HS6ST3: variants seen among roughly 807,000 people sequenced by gnomAD.
HS6ST3 encodes heparan sulfate 6-O-sulfotransferase 3.
HS6ST3 carries 12 observed loss-of-function variants against 36.7 expected under a neutral mutation model. The ratio of observed to expected loss-of-function variants is 0.33; its 90% CI spans 0.21 to 0.53. The LOEUF is 0.53. Ranked by LOEUF, HS6ST3 falls within the 20% of genes least tolerant of loss-of-function variation. The pLI, the probability that HS6ST3 is intolerant of heterozygous loss-of-function variation, is 0.95. For missense variants in HS6ST3, 584 were observed against 640.9 expected (o/e 0.91, Z 0.96); for synonymous variants, 240 against 257.5 (o/e 0.93, Z 0.65).
chr13:96,386,313 C>G (rs1363645079), intron 1 of HS6ST3, among the ~76,000 whole-genome samples: 1 of 152,112 alleles, frequency 6.6e-6, no homozygotes, highest in Non-Finnish European at 1.5e-5. Context: ...AAAACTGTTG[C>G]AGCAGAATGG....
At chr13:96,678,192 T>C (rs1288564211) in intron 1 of HS6ST3, among the ~76,000 whole-genome samples, 3 of 152,164 alleles carry the variant, frequency 2.0e-5, no homozygotes, top group African/African-American at 4.8e-5. Flanking sequence ...CTCAGTCTTA[T>C]GATAACAAAC....
chr13:96,572,569 T>C (rs561422026), intron 1 of HS6ST3, among the ~76,000 whole-genome samples: 1 of 151,888 alleles, frequency 6.6e-6, no homozygotes, highest in African/African-American at 2.4e-5. Flanking sequence ...TTCAAAATAA[T>C]TGATTTGTAT....
intron 1 of HS6ST3, among the ~76,000 whole-genome samples, chr13:96,159,434 A>G (rs1459335843): frequency 1.3e-5 from 2 of 152,212 alleles, no homozygotes; most frequent in African/African-American, 2.4e-5. Context: ...GAAACAAATC[A>G]TTACCCATAG....
intron 1 of HS6ST3, among the ~76,000 whole-genome samples, chr13:96,545,018 T>C (rs555245925): frequency 1.2e-3 from 185 of 152,192 alleles, no homozygotes; most frequent in African/African-American, 4.3e-3. Context: ...GTTTATTAAC[T>C]AAAAAAATAG....
At chr13:96,333,196 T>C (rs965768726) in intron 1 of HS6ST3, among the ~76,000 whole-genome samples, 1 of 152,236 alleles carries the variant, frequency 6.6e-6, no homozygotes, top group Non-Finnish European at 1.5e-5. Flanking sequence ...AATGCAGGCA[T>C]GTTGCTGGTC....
chr13:96,391,485 CT>C (rs1408012984), intron 1 of HS6ST3, among the ~76,000 whole-genome samples: 1 of 152,156 alleles, frequency 6.6e-6, no homozygotes, highest in African/African-American at 2.4e-5. Flanking sequence ...GACACTTTGC[CT>C]TCTTGCTTCA....
At chr13:96,459,109 A>AAAAAAAAAAAAAAAAAC (rs2055769366) in intron 1 of HS6ST3, among the ~76,000 whole-genome samples, 1 of 141,630 alleles carries the variant, frequency 7.1e-6, no homozygotes, top group Non-Finnish European at 1.6e-5. Flanking sequence ...CTAAAAAAAA[A>AAAAAAAAAAAAAAAAAC]AAAAAAAAAA....
intron 1 of HS6ST3, among the ~76,000 whole-genome samples, chr13:96,381,138 T>C (rs917264681): frequency 6.6e-6 from 1 of 152,228 alleles, no homozygotes; most frequent in African/African-American, 2.4e-5. Context: ...ATGAATTGTG[T>C]GCTGCTCTTC....
intron 1 of HS6ST3, among the ~76,000 whole-genome samples, chr13:96,700,191 T>C (rs1875247758): frequency 1.3e-5 from 2 of 152,196 alleles, no homozygotes; most frequent in East Asian, 1.9e-4. Flanking sequence ...CACAGTTCCA[T>C]GTAGCTGGGG....
At chr13:96,816,422 A>C (rs1878423394) in intron 1 of HS6ST3, among the ~76,000 whole-genome samples, 1 of 152,232 alleles carries the variant, frequency 6.6e-6, no homozygotes, top group African/African-American at 2.4e-5. Context: ...TGCCAAGCAA[A>C]GTAGGATTTC....
chr13:96,812,270 A>T (rs1878331171), intron 1 of HS6ST3, among the ~76,000 whole-genome samples: 1 of 152,018 alleles, frequency 6.6e-6, no homozygotes, highest in Non-Finnish European at 1.5e-5. Flanking sequence ...TGTTTCAACA[A>T]CTCCACCACC....
chr13:96,365,402 C>G (rs1289083542), intron 1 of HS6ST3, among the ~76,000 whole-genome samples: 1 of 152,230 alleles, frequency 6.6e-6, no homozygotes, highest in African/African-American at 2.4e-5. Context: ...ACCTGCCACA[C>G]TGGCATTGTC....
chr13:96,802,168 C>T (rs1412258437), intron 1 of HS6ST3, among the ~76,000 whole-genome samples: 1 of 152,138 alleles, frequency 6.6e-6, no homozygotes, highest in African/African-American at 2.4e-5. Flanking sequence ...GCTACCTATA[C>T]ACCTGTAAAC....
intron 1 of HS6ST3, among the ~76,000 whole-genome samples, chr13:96,516,322 T>A (rs2056072591): frequency 6.6e-6 from 1 of 152,156 alleles, no homozygotes; most frequent in Non-Finnish European, 1.5e-5. Flanking sequence ...CCCAAAGTGC[T>A]GGGATTATGA....
rs947867883 is a variant in HS6ST3, at chr13:96,090,542, G to C, written c.-321G>C. On this transcript the variant is annotated 5_prime_UTR_variant, in exon 1 of 2. Coordinates refer to ENST00000376705, the MANE Select transcript of HS6ST3 (RefSeq NM_153456.4). The stretch of plus-strand genomic sequence containing the variant: ...GCCTGCAAGCCGCCGGCGGGATGCC[G>C]CGCGTCGCCTGAGAGAGCCGCGCCG... 6.8e-6 allele frequency among the ~76,000 whole-genome samples: 1 copy of C among 146,422 alleles called. No homozygotes were observed. Among genetic ancestry groups the C allele is most frequent in the Admixed American group, 6.8e-5 (1 of 14,776 alleles).
chr13:96,106,026 G>A (rs1353987617), intron 1 of HS6ST3, among the ~76,000 whole-genome samples: 1 of 152,210 alleles, frequency 6.6e-6, no homozygotes, highest in Non-Finnish European at 1.5e-5. Context: ...AAGTGATGGG[G>A]TGATATTGGA....
chr13:96,433,527 T>C (rs1367996258), intron 1 of HS6ST3, among the ~76,000 whole-genome samples: 3 of 152,144 alleles, frequency 2.0e-5, no homozygotes, highest in Non-Finnish European at 4.4e-5. Flanking sequence ...TAAATGAGAG[T>C]TCTTCTGCAC....
intron 1 of HS6ST3, among the ~76,000 whole-genome samples, chr13:96,527,265 T>C (rs942608784): frequency 2.6e-5 from 4 of 152,166 alleles, no homozygotes; most frequent in African/African-American, 9.7e-5. Flanking sequence ...CACATACTTT[T>C]ACTGGACCAC....
At chr13:96,445,347 C>T (rs1360228896) in intron 1 of HS6ST3, among the ~76,000 whole-genome samples, 2 of 151,948 alleles carry the variant, frequency 1.3e-5, no homozygotes, top group African/African-American at 4.8e-5. Context: ...TATATGACAG[C>T]TAAATGAGTT....
Sources: allele counts gnomAD v4.1 joint callset (sites outside exome capture counted in the v4.1 genomes callset), GRCh38; gene constraint gnomAD v4.1.1; transcripts MANE v1.5; gene names NCBI Gene and HGNC (gene_info 2026-07-23, HGNC 2026-07-21).